Variants in PLXDC2 observed in about 807,000 individuals in gnomAD.
The protein encoded by PLXDC2 is plexin domain-containing protein 2.
Under a neutral mutation model 68.9 loss-of-function variants are expected in PLXDC2, and 40 were observed. That is an observed-to-expected ratio of 0.58 (90% confidence interval 0.45 to 0.76). PLXDC2 has a LOEUF of 0.76. PLXDC2 is among the 30% of genes least tolerant of loss of function. The pLI, the probability that PLXDC2 is intolerant of heterozygous loss-of-function variation, is 0.00. For missense variants in PLXDC2, 644 were observed against 661.9 expected (o/e 0.97, Z 0.30); for synonymous variants, 243 against 234.2 (o/e 1.04, Z -0.34).
At chr10:20,004,195 T>C (rs150548613) in intron 2 of PLXDC2, among the ~76,000 whole-genome samples, 1 of 152,348 alleles carries the variant, frequency 6.6e-6, no homozygotes, top group Non-Finnish European at 1.5e-5. Context: ...AAGTATAGGC[T>C]GTGGGAATTC....
chr10:20,157,244 G>A (rs1281243564), intron 6 of PLXDC2, among the ~76,000 whole-genome samples: 1 of 152,194 alleles, frequency 6.6e-6, no homozygotes, highest in East Asian at 1.9e-4. Context: ...TGTTGCTGTT[G>A]TTTTTAATAT....
chr10:19,976,211 T>C (rs1834452419), intron 1 of PLXDC2, among the ~76,000 whole-genome samples: 1 of 152,058 alleles, frequency 6.6e-6, no homozygotes. Context: ...TGTTTGTTTT[T>C]TTGTTTTGTT....
At chr10:20,042,792 A>C (rs2131677969) in intron 2 of PLXDC2, among the ~76,000 whole-genome samples, 1 of 152,278 alleles carries the variant, frequency 6.6e-6, no homozygotes, top group South Asian at 2.1e-4. Flanking sequence ...AGTTATGATA[A>C]CTTTTCCTCC....
intron 1 of PLXDC2, among the ~76,000 whole-genome samples, chr10:19,840,678 G>A (rs1357781957): frequency 6.6e-6 from 1 of 151,978 alleles, no homozygotes; most frequent in African/African-American, 2.4e-5. Context: ...TAATTTATAT[G>A]ACCTCATAAA....
chr10:19,955,165 A>AC (rs1564638395), intron 1 of PLXDC2, among the ~76,000 whole-genome samples: 1 of 138,376 alleles, frequency 7.2e-6, no homozygotes, highest in Non-Finnish European at 1.5e-5. Flanking sequence ...AGCTGGGACT[A>AC]TCGGCATGCA....
intron 2 of PLXDC2, among the ~76,000 whole-genome samples, chr10:20,006,840 A>G (rs966161221): frequency 1.3e-5 from 2 of 152,346 alleles, no homozygotes; most frequent in East Asian, 1.9e-4. Context: ...AGCCAACTGT[A>G]TATCCTGTTG....
chr10:20,159,892 C>A (rs973646900), intron 6 of PLXDC2, among the ~76,000 whole-genome samples: 6 of 152,190 alleles, frequency 3.9e-5, no homozygotes, highest in Admixed American at 3.9e-4. Flanking sequence ...TCAGAGAGAG[C>A]TTCTGCGACT....
At chr10:20,164,631 G>T in intron 7 of PLXDC2, 64 bp downstream of exon 7, 1 of 1,230,066 alleles carries the variant, frequency 8.1e-7, no homozygotes, top group Non-Finnish European at 1.2e-6. Context: ...AAGGAGATTG[G>T]TCTATGGCAG....
chr10:20,101,553 T>G (rs1189637291), intron 4 of PLXDC2, among the ~76,000 whole-genome samples: 2 of 152,224 alleles, frequency 1.3e-5, no homozygotes, highest in African/African-American at 2.4e-5. Context: ...AAAAATGTCT[T>G]TGATTAATAC....
At chr10:20,178,033 G>A (rs1834552683) in intron 9 of PLXDC2, among the ~76,000 whole-genome samples, 1 of 151,946 alleles carries the variant, frequency 6.6e-6, no homozygotes, top group Non-Finnish European at 1.5e-5. Context: ...AAAGATTTTG[G>A]TTCATATTCT....
At chr10:20,181,364 C>A (rs985490021) in intron 9 of PLXDC2, among the ~76,000 whole-genome samples, 5 of 151,988 alleles carry the variant, frequency 3.3e-5, no homozygotes, top group Non-Finnish European at 1.5e-5. Flanking sequence ...AAGTTTTAAT[C>A]AAAACCATAA....
intron 4 of PLXDC2, among the ~76,000 whole-genome samples, chr10:20,117,638 G>T (rs374312777): frequency 1.3e-5 from 2 of 152,136 alleles, no homozygotes; most frequent in East Asian, 3.9e-4. Flanking sequence ...ATTCAACTAT[G>T]TATTGCCCAG....
chr10:19,933,343 A>G (rs928146767), intron 1 of PLXDC2, among the ~76,000 whole-genome samples: 4 of 152,188 alleles, frequency 2.6e-5, no homozygotes, highest in Non-Finnish European at 5.9e-5. Context: ...CAATTAGAGC[A>G]GTTAAAACAC....
intron 1 of PLXDC2, among the ~76,000 whole-genome samples, chr10:19,850,377 C>G (rs1200796306): frequency 3.3e-5 from 5 of 151,620 alleles, no homozygotes; most frequent in Non-Finnish European, 7.4e-5. Flanking sequence ...ATAATACTTC[C>G]TTTAGTAAAA....
At chr10:20,253,506 C>T (rs1190784746) in intron 13 of PLXDC2, among the ~76,000 whole-genome samples, 2 of 151,970 alleles carry the variant, frequency 1.3e-5, no homozygotes, top group African/African-American at 4.8e-5. Flanking sequence ...TGTCTAAATA[C>T]CAGTCATTGT....
At chr10:20,201,919 A>G (rs1430818105) in intron 9 of PLXDC2, among the ~76,000 whole-genome samples, 1 of 152,156 alleles carries the variant, frequency 6.6e-6, no homozygotes, top group African/African-American at 2.4e-5. Context: ...TTGAACGTAA[A>G]ACTAAAACCA....
intron 7 of PLXDC2, among the ~76,000 whole-genome samples, chr10:20,171,776 C>A (rs538139860): frequency 2.0e-5 from 3 of 151,918 alleles, no homozygotes; most frequent in African/African-American, 7.2e-5. Context: ...ACATTTAATC[C>A]TATACAATAC....
intron 2 of PLXDC2, among the ~76,000 whole-genome samples, chr10:20,023,382 C>T (rs1271416465): frequency 6.6e-6 from 1 of 152,012 alleles, no homozygotes; most frequent in East Asian, 1.9e-4. Flanking sequence ...TTGAATGTGT[C>T]CTCCAAAAAG....
intron 2 of PLXDC2, among the ~76,000 whole-genome samples, chr10:20,030,574 G>T (rs1396366961): frequency 6.6e-6 from 1 of 152,142 alleles, no homozygotes. Flanking sequence ...GAGAGCAAAG[G>T]GTAGGCTCAG....
Sources: allele counts gnomAD v4.1 joint callset (sites outside exome capture counted in the v4.1 genomes callset), GRCh38; gene constraint gnomAD v4.1.1; transcripts MANE v1.5; gene names NCBI Gene and HGNC (gene_info 2026-07-23, HGNC 2026-07-21).